NBPF3: variants seen among roughly 807,000 people sequenced by gnomAD.
NBPF3 encodes NBPF member 3, also known as NBPF family member NBPF3.
NBPF3 carries 57 observed loss-of-function variants against 78.1 expected under a neutral mutation model. The ratio of observed to expected loss-of-function variants is 0.73; its 90% CI spans 0.59 to 0.91. The LOEUF (loss-of-function observed/expected upper bound fraction) is 0.91, where lower values mean the gene tolerates loss of function less well. Ranked by LOEUF, NBPF3 falls within the 40% of genes least tolerant of loss-of-function variation. The pLI is 0.00. For missense variants in NBPF3, 510 were observed against 715.3 expected (o/e 0.71, Z 3.27); for synonymous variants, 182 against 271.7 (o/e 0.67, Z 3.25).
chr1:21,442,372 C>T (rs1640705215), intron 1 of NBPF3: 1 of 152,152 alleles, frequency 6.6e-6, no homozygotes, highest in East Asian at 1.9e-4. Flanking sequence ...AGTACCACCA[C>T]ACTCAGCTGT....
upstream of NBPF3, among the ~76,000 whole-genome samples, chr1:21,437,138 G>A (rs1285007644): frequency 2.2e-4 from 34 of 152,246 alleles, no homozygotes; most frequent in Admixed American, 2.2e-3. Flanking sequence ...GCAGAGCCAG[G>A]ACCCTGGGAA....
intron 5 of NBPF3, 104 bp downstream of exon 5, chr1:21,471,887 A>T (rs1642618950): frequency 1.4e-6 from 2 of 1,478,462 alleles, no homozygotes; most frequent in Non-Finnish European, 1.9e-6. Flanking sequence ...GTTTTTTCCC[A>T]CTAAACGTAT....
At chr1:21,477,702 G>A (rs1383648919) in intron 8 of NBPF3, among the ~76,000 whole-genome samples, 1 of 151,730 alleles carries the variant, frequency 6.6e-6, no homozygotes, top group Non-Finnish European at 1.5e-5. Flanking sequence ...CAAAGAAATT[G>A]AAAAAATAAA....
chr1:21,440,136 C>A (rs1379159378), upstream of NBPF3: 2 of 152,238 alleles, frequency 1.3e-5, no homozygotes, highest in Non-Finnish European at 2.9e-5. Flanking sequence ...CAGGCGCAGG[C>A]ACAGGCGAGG....
upstream of NBPF3, among the ~76,000 whole-genome samples, chr1:21,437,214 GAGTGGAACC>G (rs969789242): frequency 1.3e-5 from 2 of 152,030 alleles, no homozygotes; most frequent in Non-Finnish European, 2.9e-5. Flanking sequence ...AGGAGTCTGA[GAGTGGAACC>G]AGGATGCAAG....
chr1:21,447,946 T>C (rs1424296855), intron 2 of NBPF3, among the ~76,000 whole-genome samples: 1 of 152,200 alleles, frequency 6.6e-6, no homozygotes, highest in African/African-American at 2.4e-5. Context: ...CATCTGTATA[T>C]CTTATTAATG....
At chr1:21,443,266 C>T (rs989918056) in intron 1 of NBPF3, among the ~76,000 whole-genome samples, 1 of 152,184 alleles carries the variant, frequency 6.6e-6, no homozygotes, top group African/African-American at 2.4e-5. Flanking sequence ...TTCTTGGCTA[C>T]ATACAGGTGT....
At position 21,477,959 on chromosome 1, in the gene NBPF3, C is replaced by A. The variant is rs549991780; in HGVS notation, c.993-185C>A. ...TGAGCACGTGCTGCCCATTTTTGTT[C>A]GGTCCTCAGAGCAGTCACCCTCCAG... On this transcript the variant is annotated intron_variant, in intron 8 of 14. Coordinates refer to ENST00000318249, the MANE Select transcript of NBPF3 (RefSeq NM_032264.6). The A allele has an allele frequency of 1.7e-5, 22 of 1,305,242 alleles. 1 individual carries two copies. In the South Asian group the frequency reaches 3.1e-4, roughly 19 times the overall value. The allele number at this position is 1,305,242 out of a possible 1,614,324, so 80.9% of individuals were successfully genotyped here. A position where few individuals can be genotyped will look rare whatever the true frequency, so the allele number is the denominator to read the frequency against.
In NBPF3 at chr1:21,479,330, T is replaced by C. The variant is rs1402818254; in HGVS notation, c.1157-19T>C. The C allele has an allele frequency of 5.6e-6, 9 of 1,609,570 alleles. No homozygotes were observed. The highest frequency in any genetic ancestry group is 7.6e-6 in the Non-Finnish European group (9 of 1,177,344). On this transcript the variant is annotated intron_variant, in intron 9 of 14. Coordinates refer to ENST00000318249, the MANE Select transcript of NBPF3 (RefSeq NM_032264.6). ...AAGAACTGCTTCATGTAAGAGGCCC[T>C]GTCTGAATTTATTTGCAGGACATTG...
At chr1:21,477,215 G>T (rs1177874573) in intron 8 of NBPF3, among the ~76,000 whole-genome samples, 1 of 152,132 alleles carries the variant, frequency 6.6e-6, no homozygotes, top group Non-Finnish European at 1.5e-5. Context: ...CTTGTGATGG[G>T]TTTGCACATC....
At chr1:21,437,294 G>A (rs1640444160), upstream of NBPF3, 1 of 414,790 alleles carries the variant, frequency 2.4e-6, no homozygotes, top group South Asian at 2.8e-5. Flanking sequence ...TGTGCCTGGG[G>A]GTTTGTCTGG....
chr1:21,449,286 CA>C (rs1641163552), intron 2 of NBPF3, among the ~76,000 whole-genome samples: 1 of 151,118 alleles, frequency 6.6e-6, no homozygotes, highest in South Asian at 2.1e-4. Flanking sequence ...GGGAACATAA[CA>C]GTAGTCTTGT....
chr1:21,444,347 C>T (rs1356170319), intron 1 of NBPF3, among the ~76,000 whole-genome samples: 2 of 152,130 alleles, frequency 1.3e-5, no homozygotes, highest in South Asian at 2.1e-4. Flanking sequence ...TATAACCTAG[C>T]GAAAGCTCAG....
intron 9 of NBPF3, among the ~76,000 whole-genome samples, chr1:21,478,792 G>A (rs1388044918): frequency 6.6e-6 from 1 of 152,150 alleles, no homozygotes; most frequent in Non-Finnish European, 1.5e-5. Flanking sequence ...CCCCTTTTCT[G>A]TGTCTTCTAA....
Position 21,484,390 on chromosome 1 carries a change from C to T in NBPF3, c.*1004C>T, listed in dbSNP as rs1242264748. On this transcript the variant is annotated 3_prime_UTR_variant, in exon 15 of 15. Coordinates refer to ENST00000318249, the MANE Select transcript of NBPF3 (RefSeq NM_032264.6). The stretch of plus-strand genomic sequence containing the variant: ...GTGACATGGACTTGTTTGTAGAGGA[C>T]AGGTCAGCTGTCTGGCTCAATGGTC... 8.3e-6 allele frequency: 1 copy of T among 120,678 alleles called. No individual in the cohort carries two copies. Among genetic ancestry groups the T allele is most frequent in the Non-Finnish European group, 1.8e-5 (1 of 56,510 alleles). 7.5% of individuals were successfully genotyped at this position (120,678 alleles called of 1,614,324 possible).
intron 9 of NBPF3, 115 bp from the exon 10 acceptor site, chr1:21,479,234 C>T: frequency 1.8e-6 from 2 of 1,138,066 alleles, no homozygotes; most frequent in East Asian, 2.5e-5. Flanking sequence ...CTCAAAGTCT[C>T]CTATTCTCAC....
chr1:21,474,618 G>A (rs113153641), intron 7 of NBPF3, among the ~76,000 whole-genome samples: 5 of 152,208 alleles, frequency 3.3e-5, no homozygotes, highest in African/African-American at 1.2e-4. Flanking sequence ...ACCAATTATT[G>A]GCGACTTTGG....
intron 2 of NBPF3, among the ~76,000 whole-genome samples, chr1:21,463,339 C>T (rs1413844010): frequency 1.3e-5 from 2 of 152,140 alleles, no homozygotes; most frequent in African/African-American, 4.8e-5. Context: ...CTCTCACCAG[C>T]GCCAAAGTCA....
chr1:21,440,423 C>T (rs1458203047), intron 1 of NBPF3, 75 bp downstream of exon 1: 1 of 132,950 alleles, frequency 7.5e-6, no homozygotes, highest in Non-Finnish European at 1.6e-5. Flanking sequence ...GAGGCGCGGC[C>T]GTCGCAAGTT....
Sources: allele counts gnomAD v4.1 joint callset (sites outside exome capture counted in the v4.1 genomes callset), GRCh38; gene constraint gnomAD v4.1.1; transcripts MANE v1.5; gene names NCBI Gene and HGNC (gene_info 2026-07-23, HGNC 2026-07-21).